DYSF: variants seen among roughly 807,000 people sequenced by gnomAD.
DYSF encodes the protein dystrophy-associated fer-1-like 1.
Under a neutral mutation model 274.9 loss-of-function variants are expected in DYSF, and 212 were observed. That is an observed-to-expected ratio of 0.77 (90% CI 0.69 to 0.86). The LOEUF (loss-of-function observed/expected upper bound fraction) is 0.86. Among genes scored for constraint, DYSF ranks in the 40% least tolerant of loss-of-function variants. The pLI is 0.00. For missense variants in DYSF, 2,666 were observed against 2,783.2 expected (o/e 0.96, Z 0.95); for synonymous variants, 1,091 against 1,078.7 (o/e 1.01, Z -0.22).
chr2:71,663,966 T>C (rs2094949940), intron 45 of DYSF, among the ~76,000 whole-genome samples: 1 of 152,226 alleles, frequency 6.6e-6, no homozygotes, highest in Admixed American at 6.5e-5. Context: ...TGTTGTCTCC[T>C]GGTGTCGTGG....
chr2:71,590,362 C>T, intron 32 of DYSF, 74 bp downstream of exon 32: 1 of 1,533,030 alleles, frequency 6.5e-7, no homozygotes, highest in Non-Finnish European at 9.0e-7. Context: ...GGCTTTCGGG[C>T]AACAAGGGGT....
chr2:71,618,471 A>G (rs1247981867), intron 40 of DYSF, among the ~76,000 whole-genome samples: 5 of 93,114 alleles, frequency 5.4e-5, no homozygotes, highest in South Asian at 3.7e-4. Context: ...TGTGTGTGGT[A>G]GAGGTGTGTG....
intron 13 of DYSF, among the ~76,000 whole-genome samples, chr2:71,527,035 TATACCGA>T (rs2088005516): frequency 6.6e-6 from 1 of 152,228 alleles, no homozygotes; most frequent in Admixed American, 6.5e-5. Flanking sequence ...GCTGGGGAGT[TATACCGA>T]ATATTCTAGA....
chr2:71,479,693 A>G (rs2082726882), intron 1 of DYSF, among the ~76,000 whole-genome samples: 1 of 152,108 alleles, frequency 6.6e-6, no homozygotes, highest in East Asian at 1.9e-4. Flanking sequence ...CTTCATGCCC[A>G]CTGCTCCAGA....
intron 27 of DYSF, 132 bp from the exon 28 acceptor site, chr2:71,570,097 A>G (rs2092332451): frequency 2.8e-6 from 3 of 1,066,060 alleles, no homozygotes; most frequent in South Asian, 2.6e-5. Flanking sequence ...TGGTGGCAGG[A>G]CACTGACTCT....
At chr2:71,598,836 A>C in intron 33 of DYSF, 91 bp downstream of exon 33, 1 of 1,467,410 alleles carries the variant, frequency 6.8e-7, no homozygotes. Context: ...GCCCAGCCAG[A>C]TGGGTGCTCT....
intron 16 of DYSF, among the ~76,000 whole-genome samples, chr2:71,538,871 CTG>C (rs2089646503): frequency 6.6e-6 from 1 of 152,196 alleles, no homozygotes; most frequent in Admixed American, 6.5e-5. Context: ...GCAGATGCGT[CTG>C]TAGAGATCCA....
At chr2:71,684,702 G>T (rs2095335281) in intron 55 of DYSF, among the ~76,000 whole-genome samples, 2 of 152,220 alleles carry the variant, frequency 1.3e-5, no homozygotes, top group Non-Finnish European at 2.9e-5. Flanking sequence ...TAGAAACTCA[G>T]AGTCCCCGGC....
intron 42 of DYSF, among the ~76,000 whole-genome samples, chr2:71,645,461 G>A (rs962157289): frequency 1.3e-4 from 20 of 151,870 alleles, no homozygotes; most frequent in Admixed American, 1.2e-3. Context: ...GGTCCTTCTC[G>A]ACATCCCGCC....
chr2:71,637,569 G>A (rs1026671853), intron 41 of DYSF, among the ~76,000 whole-genome samples: 8 of 152,198 alleles, frequency 5.3e-5, no homozygotes, highest in African/African-American at 1.9e-4. Context: ...GTGCCGGGCG[G>A]CACTGGGGCT....
In DYSF at chr2:71,611,483, C is replaced by G; in HGVS notation, c.4078C>G (p.Arg1360Gly). The change falls in exon 38 of 56, where the codon CGG becomes GGG. Residue 1360 changes from arginine to glycine, a missense_variant. Around this residue, in one of 3 missense-constraint regions of DYSF, gnomAD observed 1,460 missense variants for 1,502.1 expected, o/e 0.97. Transcript: ENST00000410020. ...TAIEILAWGL[R>G]NMKSYQLANI... is the part of the protein sequence containing the mutation. ...TGCTTAGATCCTGGCATGGGGCCTG[C>G]GGAACATGAAGAGTTACCAGCTGGC... The G allele has an allele frequency of 6.2e-7, 1 of 1,614,092 alleles. No homozygotes were observed. The highest frequency in any genetic ancestry group is 2.2e-5 in the East Asian group (1 of 44,868).
chr2:71,637,567 C>T (rs766465501), intron 41 of DYSF, among the ~76,000 whole-genome samples: 5 of 152,102 alleles, frequency 3.3e-5, no homozygotes, highest in East Asian at 3.9e-4. Flanking sequence ...AGGTGCCGGG[C>T]GGCACTGGGG....
At chr2:71,543,453 C>T (rs1440497160) in intron 17 of DYSF, among the ~76,000 whole-genome samples, 3 of 151,406 alleles carry the variant, frequency 2.0e-5, no homozygotes, top group Non-Finnish European at 4.4e-5. Context: ...ACTTCCCAGA[C>T]GGGGTGGCGG....
intron 14 of DYSF, among the ~76,000 whole-genome samples, chr2:71,531,282 T>C (rs2088673105): frequency 6.6e-6 from 1 of 151,974 alleles, no homozygotes; most frequent in Admixed American, 6.5e-5. Context: ...ATCATGAAAA[T>C]ATTGATTTTC....
At position 71,598,646 on chromosome 2, in the gene DYSF, GA is replaced by G; in HGVS notation, c.3658del (p.Thr1220ArgfsTer59). ...ACACCCTTAACCCCACCTGGGACCAGACGCTCATCTTCTACGAGATCGAGAT... is the reference window on the plus strand; with the variant it reads ...ACACCCTTAACCCCACCTGGGACCAGCGCTCATCTTCTACGAGATCGAGAT... ...KNTLNPTWDQ[T>X]LIFYEIEIFG... On this transcript the variant is annotated frameshift_variant, in exon 33 of 56. Coordinates refer to ENST00000410020, the MANE Select transcript of DYSF (RefSeq NM_001130987.2). LOFTEE classifies it high-confidence loss of function. The G allele has an allele frequency of 6.2e-7, 1 of 1,614,206 alleles. No homozygotes were observed. Among genetic ancestry groups the G allele is most frequent in the Non-Finnish European group, 8.5e-7 (1 of 1,180,052 alleles).
intron 32 of DYSF, 111 bp downstream of exon 32, chr2:71,590,399 G>A (rs1375665802): frequency 1.7e-6 from 2 of 1,175,274 alleles, no homozygotes; most frequent in East Asian, 4.7e-5. Flanking sequence ...ATGGAGATGG[G>A]TGCTGTCACC....
At chr2:71,551,764 G>C in intron 19 of DYSF, 44 bp downstream of exon 19, 1 of 1,513,278 alleles carries the variant, frequency 6.6e-7, no homozygotes, top group Non-Finnish European at 9.0e-7. Flanking sequence ...TCGGGGCAGG[G>C]AAGGGATGGC....
chr2:71,679,586 G>T (rs1021000428), intron 53 of DYSF, among the ~76,000 whole-genome samples: 2 of 152,072 alleles, frequency 1.3e-5, no homozygotes, highest in African/African-American at 4.8e-5. Context: ...TCCCATTTGA[G>T]CAGGACCCTC....
rs376858346 is a variant in DYSF, at chr2:71,566,533, CAG to C, written c.2566-1407_2566-1406del. On this transcript the variant is annotated intron_variant, in intron 24 of 55. Coordinates refer to ENST00000410020, the MANE Select transcript of DYSF (RefSeq NM_001130987.2). ...CAAAGTTGGAAAAAATGAGCACCAGCAGAGAGAGAGAGGAGCCCCAAACTAGA... is the reference window on the plus strand; with the variant it reads ...CAAAGTTGGAAAAAATGAGCACCAGCAGAGAGAGAGGAGCCCCAAACTAGA... Among the ~76,000 whole-genome samples, 137 of 151,478 alleles carry C rather than the reference CAG, an allele frequency of 9.0e-4. No homozygotes were observed. The South Asian group carries it at 0.016, about 18-fold the overall frequency.
Sources: gnomAD v4.1 joint callset for allele counts (sites outside exome capture counted in the v4.1 genomes callset) on GRCh38, gnomAD v4.1.1 for gene constraint, gnomAD v4.1.1 regional missense constraint, MANE v1.5 for transcripts, NCBI Gene and HGNC (gene_info 2026-07-23, HGNC 2026-07-21) for gene names.